The following PEX7 variants were observed in gnomAD, a reference collection of about 807,000 sequenced individuals.
PEX7 encodes the protein peroxisomal biogenesis factor 7, also known as PTS2 receptor.
PEX7 carries 34 observed loss-of-function variants against 47.5 expected under a neutral mutation model. That is an observed-to-expected ratio of 0.72 (90% CI 0.54 to 0.95). The LOEUF is 0.95. Among genes scored for constraint, PEX7 ranks in the 40% least tolerant of loss-of-function variants. The pLI is 0.00. For synonymous variants in PEX7, 141 were observed against 148.8 expected (o/e 0.95, Z 0.38); for missense variants, 394 against 400.3 (o/e 0.98, Z 0.13).
At chr6:136,823,262 G>C (rs1041344189) in intron 1 of PEX7, 1 of 985,424 alleles carries the variant, frequency 1.0e-6, no homozygotes, top group Non-Finnish European at 1.2e-6. Flanking sequence ...CTGCGGGCTG[G>C]CCTTCCTAAG....
chr6:136,906,090 A>T (rs1209042426), intron 9 of PEX7, among the ~76,000 whole-genome samples: 1 of 152,090 alleles, frequency 6.6e-6, no homozygotes, highest in Non-Finnish European at 1.5e-5. Flanking sequence ...TTGATTCTCC[A>T]TGTTGCCTCC....
chr6:136,909,927 G>T (rs1245472721), intron 9 of PEX7, among the ~76,000 whole-genome samples: 2 of 152,082 alleles, frequency 1.3e-5, no homozygotes, highest in African/African-American at 4.8e-5. Flanking sequence ...CTTCTCTCCA[G>T]TAGCGGATGC....
intron 5 of PEX7, among the ~76,000 whole-genome samples, chr6:136,864,240 C>CAAT (rs139182640): frequency 0.64 from 96,995 of 151,526 alleles, 31,161 homozygotes; most frequent in African/African-American, 0.7. Flanking sequence ...TGGAAGCACT[C>CAAT]AAATATTAAC....
chr6:136,879,040 A>T (rs1441349557), intron 8 of PEX7, among the ~76,000 whole-genome samples: 2 of 152,064 alleles, frequency 1.3e-5, no homozygotes, highest in Non-Finnish European at 2.9e-5. Flanking sequence ...CCTATTTCTT[A>T]TATAATAACC....
At chr6:136,878,482 A>G (rs1057468879) in intron 8 of PEX7, among the ~76,000 whole-genome samples, 1 of 152,110 alleles carries the variant, frequency 6.6e-6, no homozygotes, top group African/African-American at 2.4e-5. Context: ...ACTCTCCTTC[A>G]ATACCTAGTT....
chr6:136,880,475 CA>C (rs1775357633), intron 8 of PEX7, among the ~76,000 whole-genome samples: 1 of 152,172 alleles, frequency 6.6e-6, no homozygotes, highest in Non-Finnish European at 1.5e-5. Flanking sequence ...CTCTCTGTAC[CA>C]TTCAGTGTTC....
chr6:136,901,978 T>C (rs543092772), intron 9 of PEX7, among the ~76,000 whole-genome samples: 9 of 151,780 alleles, frequency 5.9e-5, no homozygotes, highest in Non-Finnish European at 1.3e-4. Context: ...AGAGATGGGG[T>C]TTCTCTATGT....
intron 5 of PEX7, among the ~76,000 whole-genome samples, chr6:136,846,688 G>A (rs956704226): frequency 6.6e-6 from 1 of 152,102 alleles, no homozygotes; most frequent in Non-Finnish European, 1.5e-5. Flanking sequence ...CTTTTTTATG[G>A]CTGCATAGTA....
intron 3 of PEX7, among the ~76,000 whole-genome samples, chr6:136,838,344 G>A (rs1190035205): frequency 2.0e-5 from 3 of 152,154 alleles, no homozygotes; most frequent in African/African-American, 7.2e-5. Flanking sequence ...ACCACCATGA[G>A]GAAACATTTG....
At chr6:136,892,575 C>CTCATTCAT (rs558564250) in intron 8 of PEX7, among the ~76,000 whole-genome samples, 1 of 152,084 alleles carries the variant, frequency 6.6e-6, no homozygotes, top group African/African-American at 2.4e-5. Flanking sequence ...TATTTATTTG[C>CTCATTCAT]TCATTCATTC....
intron 8 of PEX7, among the ~76,000 whole-genome samples, chr6:136,884,974 A>G (rs1461514368): frequency 6.6e-6 from 1 of 152,138 alleles, no homozygotes; most frequent in South Asian, 2.1e-4. Flanking sequence ...TTTTTCCTAT[A>G]TACTGTCCCT....
chr6:136,903,451 T>C (rs962079156), intron 9 of PEX7, among the ~76,000 whole-genome samples: 3 of 150,916 alleles, frequency 2.0e-5, no homozygotes, highest in African/African-American at 4.9e-5. Context: ...GCTGGCATTA[T>C]AGGCATGAGC....
chr6:136,904,263 C>G (rs1022939589), intron 9 of PEX7, among the ~76,000 whole-genome samples: 5 of 152,144 alleles, frequency 3.3e-5, no homozygotes, highest in Non-Finnish European at 7.3e-5. Context: ...CTGCTGTTTC[C>G]TCATTGATGC....
chr6:136,895,111 T>A (rs1002483741), intron 8 of PEX7, among the ~76,000 whole-genome samples: 9 of 152,164 alleles, frequency 5.9e-5, no homozygotes, highest in Non-Finnish European at 1.3e-4. Context: ...ACTTTCTCCC[T>A]GTTAGCCCCT....
rs548073771 is a variant in PEX7, at chr6:136,867,795, C to CAAA, written c.633+1064_633+1065insAAA. On this transcript the variant is annotated intron_variant, in intron 6 of 9. Coordinates refer to ENST00000318471, the MANE Select transcript of PEX7 (RefSeq NM_000288.4). ...CATCTCAAAACAACAACAACAACAA[C>CAAA]AACAAAAAACTTTAAAAAAAATTAG... Among the ~76,000 whole-genome samples, 413 of 150,788 alleles carry CAAA rather than the reference C, an allele frequency of 2.7e-3. 2 individuals carry two copies. Among genetic ancestry groups the CAAA allele is most frequent in the African/African-American group, 9.6e-3 (391 of 40,744 alleles).
intron 5 of PEX7, among the ~76,000 whole-genome samples, chr6:136,859,375 A>G (rs1774917321): frequency 6.6e-6 from 1 of 152,146 alleles, no homozygotes; most frequent in African/African-American, 2.4e-5. Context: ...AGCTCTTTTT[A>G]TGAAGAGGAT....
intron 8 of PEX7, among the ~76,000 whole-genome samples, chr6:136,878,487 C>G (rs1240759569): frequency 1.3e-5 from 2 of 152,094 alleles, no homozygotes; most frequent in Admixed American, 6.5e-5. Flanking sequence ...CCTTCAATAC[C>G]TAGTTTATTG....
intron 8 of PEX7, among the ~76,000 whole-genome samples, chr6:136,889,793 A>G (rs1390607939): frequency 2.0e-5 from 3 of 152,252 alleles, no homozygotes; most frequent in African/African-American, 7.2e-5. Flanking sequence ...AGAAGAAGCA[A>G]CTAAAAGAAT....
At chr6:136,831,483 TTCATG>T (rs1774293094) in intron 3 of PEX7, among the ~76,000 whole-genome samples, 1 of 151,960 alleles carries the variant, frequency 6.6e-6, no homozygotes, top group East Asian at 1.9e-4. Context: ...CCTCCCAAAT[TTCATG>T]TCTTTTTCAC....
Sources: allele counts gnomAD v4.1 joint callset (sites outside exome capture counted in the v4.1 genomes callset), GRCh38; gene constraint gnomAD v4.1.1; transcripts MANE v1.5; gene names NCBI Gene and HGNC (gene_info 2026-07-23, HGNC 2026-07-21).